Variants in HMCN1 observed in about 807,000 individuals in gnomAD.
HMCN1 encodes the protein hemicentin-1.
In HMCN1, 321 loss-of-function variants were observed where a neutral mutation model predicts 625.9. That is an observed-to-expected ratio of 0.51 (90% CI 0.47 to 0.56). HMCN1 has a LOEUF of 0.56. HMCN1 is among the 20% of genes least tolerant of loss of function. The pLI is 0.00. For synonymous variants in HMCN1, 2,425 were observed against 2,417.6 expected (o/e 1.00, Z -0.09); for missense variants, 6,588 against 6,887.3 (o/e 0.96, Z 1.54).
intron 2 of HMCN1, among the ~76,000 whole-genome samples, chr1:185,846,564 A>G (rs762673774): frequency 3.9e-5 from 6 of 152,218 alleles, no homozygotes; most frequent in Admixed American, 2.6e-4. Flanking sequence ...AAGATGAATC[A>G]CATTGGTTTA....
chr1:185,762,413 T>C (rs936280362), intron 1 of HMCN1, among the ~76,000 whole-genome samples: 15 of 152,306 alleles, frequency 9.8e-5, no homozygotes, highest in Admixed American at 9.8e-4. Flanking sequence ...GCTCAAAATA[T>C]GACTTGGACC....
chr1:185,755,008 A>G (rs1452477026), intron 1 of HMCN1, among the ~76,000 whole-genome samples: 1 of 152,170 alleles, frequency 6.6e-6, no homozygotes, highest in Non-Finnish European at 1.5e-5. Context: ...GGATAATTAT[A>G]GTACCTTCTC....
At chr1:185,876,404 T>C (rs576489529) in intron 4 of HMCN1, among the ~76,000 whole-genome samples, 8 of 152,196 alleles carry the variant, frequency 5.3e-5, no homozygotes, top group South Asian at 2.1e-4. Flanking sequence ...GTATAACAAT[T>C]TTTTTCCTTT....
In HMCN1 at chr1:186,144,172, G is replaced by C. The variant is rs1441659312; in HGVS notation, c.13925-1G>C. 1 of 1,597,482 alleles carries C rather than the reference G, an allele frequency of 6.3e-7. No individual in the cohort carries two copies. Among genetic ancestry groups the C allele is most frequent in the Admixed American group, 1.7e-5 (1 of 57,338 alleles). On this transcript the variant is annotated splice_acceptor_variant, in intron 89 of 106. Transcript: ENST00000271588. LOFTEE classifies it high-confidence loss of function. ...GCAACTGTCTTTTGGGGTGTTTGCAGTTCATGGAGCATGGAGCGCTTGGCA... is the reference window on the plus strand; with the variant it reads ...GCAACTGTCTTTTGGGGTGTTTGCACTTCATGGAGCATGGAGCGCTTGGCA...
At chr1:185,817,951 A>G (rs930309186) in intron 1 of HMCN1, among the ~76,000 whole-genome samples, 5 of 152,000 alleles carry the variant, frequency 3.3e-5, no homozygotes, top group African/African-American at 1.2e-4. Context: ...TTTTACCCAT[A>G]CTGTTTTCCT....
chr1:185,735,763 T>C (rs1653519587), intron 1 of HMCN1, among the ~76,000 whole-genome samples: 1 of 152,214 alleles, frequency 6.6e-6, no homozygotes, highest in Admixed American at 6.5e-5. Flanking sequence ...GCAGCTCCAC[T>C]GTAATATGAT....
chr1:185,982,525 C>T, intron 18 of HMCN1, 136 bp downstream of exon 18: 1 of 785,542 alleles, frequency 1.3e-6, no homozygotes, highest in Admixed American at 2.3e-5. Flanking sequence ...ACCGCAACCT[C>T]TGCCTCCTGG....
chr1:186,184,391 A>G (rs1036870666), intron 105 of HMCN1, among the ~76,000 whole-genome samples: 1 of 152,234 alleles, frequency 6.6e-6, no homozygotes, highest in Non-Finnish European at 1.5e-5. Flanking sequence ...TCAATAATAA[A>G]AGGGAAATTA....
At chr1:186,187,010 A>G (rs1352727049) in intron 105 of HMCN1, among the ~76,000 whole-genome samples, 1 of 150,784 alleles carries the variant, frequency 6.6e-6, no homozygotes. Flanking sequence ...ACACACACAC[A>G]CACACACACA....
chr1:186,042,419 C>G (rs1352284973), intron 40 of HMCN1, among the ~76,000 whole-genome samples: 4 of 152,144 alleles, frequency 2.6e-5, no homozygotes, highest in Non-Finnish European at 4.4e-5. Flanking sequence ...TTGGTATTGA[C>G]TGGGTTTTAG....
intron 30 of HMCN1, among the ~76,000 whole-genome samples, chr1:186,012,079 G>T (rs1262863375): frequency 2.6e-5 from 4 of 151,956 alleles, no homozygotes; most frequent in Non-Finnish European, 4.4e-5. Context: ...AACTATATGA[G>T]AGCAAACAAA....
intron 1 of HMCN1, among the ~76,000 whole-genome samples, chr1:185,781,916 T>A (rs1657147199): frequency 6.6e-6 from 1 of 152,174 alleles, no homozygotes; most frequent in South Asian, 2.1e-4. Flanking sequence ...TAACTTTCTG[T>A]CTTGTAGATG....
chr1:186,053,227 A>G (rs1349833877), intron 43 of HMCN1, among the ~76,000 whole-genome samples, 153 bp downstream of exon 43: 1 of 152,122 alleles, frequency 6.6e-6, no homozygotes, highest in African/African-American at 2.4e-5. Context: ...AATGTGCAAC[A>G]TGTGATACTT....
chr1:186,070,617 C>T lies in HMCN1; in HGVS notation c.7999C>T (p.Pro2667Ser). Residue 2667 changes from proline (P) to serine (S), a missense_variant, in exon 52 of 107, where the codon CCC (proline) becomes TCC (serine). Around this residue, in one of 3 missense-constraint regions of HMCN1, gnomAD observed 4,628 missense variants for 4,853.1 expected, o/e 0.95. Coordinates refer to ENST00000271588, the MANE Select transcript of HMCN1 (RefSeq NM_031935.3). Reference protein sequence around the residue: ...KHYEVKVYIPPIINKGDLWGP... With the variant: ...KHYEVKVYIPSIINKGDLWGP... ...TTAATATTTATTTTATGCAGTTCCA[C>T]CCATAATCAATAAAGGGGACCTTTG... The T allele has an allele frequency of 6.2e-7, 1 of 1,611,796 alleles. No individual in the cohort carries two copies. The highest frequency in any genetic ancestry group is 8.5e-7 in the Non-Finnish European group (1 of 1,177,940).
At position 186,065,228 on chromosome 1, in the gene HMCN1, A is replaced by ATT. The variant is rs768974572; in HGVS notation, c.7514-6_7514-5dup. On this transcript the variant is annotated splice_polypyrimidine_tract_variant and intron_variant, in intron 48 of 106. Coordinates refer to ENST00000271588, the MANE Select transcript of HMCN1 (RefSeq NM_031935.3). ...ATTATTAGCTGACTCTCAGAAATGG[A>ATT]TTTTTACAGGGAATCCAGTGCCAGA... 1.7e-5 allele frequency: 27 copies of ATT among 1,610,090 alleles called. No individual in the cohort carries two copies. The highest frequency in any genetic ancestry group is 2.3e-5 in the Non-Finnish European group (27 of 1,178,814).
At position 186,065,409 on chromosome 1, in the gene HMCN1, G is replaced by A. The variant is rs576937036; in HGVS notation, c.7685G>A (p.Ser2562Asn). The A allele has an allele frequency of 4.2e-5, 67 of 1,606,918 alleles. 1 individual carries two copies. The South Asian group carries it at 7.1e-4, about 17-fold the overall frequency. ...ASSPAGHKSR[S>N]FSLNVFVSPT... ...AGTCCAGCTGGCCACAAGAGCAGGA[G>A]CTTCAGTCTTAATGTATTTGGTAGG... The change falls in exon 49 of 107, where the codon AGC becomes AAC. Residue 2562 changes from serine (S) to asparagine (N), a missense_variant. By Grantham distance (46) the Ser-to-Asn change is conservative (BLOSUM62 1). Around this residue, in one of 3 missense-constraint regions of HMCN1, gnomAD observed 4,628 missense variants for 4,853.1 expected, o/e 0.95. Coordinates refer to ENST00000271588, the MANE Select transcript of HMCN1 (RefSeq NM_031935.3).
intron 1 of HMCN1, among the ~76,000 whole-genome samples, chr1:185,815,600 G>C (rs1466095818): frequency 6.7e-6 from 1 of 149,640 alleles, no homozygotes; most frequent in East Asian, 1.9e-4. Context: ...TTGATATTTA[G>C]TGTTAAAAGC....
chr1:185,939,468 G>A (rs983124737), intron 11 of HMCN1, among the ~76,000 whole-genome samples: 1 of 152,184 alleles, frequency 6.6e-6, no homozygotes, highest in Non-Finnish European at 1.5e-5. Flanking sequence ...TATACAAAAC[G>A]TGTACATGAT....
In HMCN1 at chr1:186,000,216, G is replaced by T. The variant is rs766167455; in HGVS notation, c.4046G>T (p.Arg1349Ile). Residue 1349 changes from arginine (R) to isoleucine (I), a missense_variant, in exon 26 of 107, where the codon AGA (arginine) becomes ATA (isoleucine). Physicochemically the swap from Arg to Ile is moderately conservative, Grantham distance 97. Around this residue, in one of 3 missense-constraint regions of HMCN1, gnomAD observed 4,628 missense variants for 4,853.1 expected, o/e 0.95. Coordinates refer to ENST00000271588, the MANE Select transcript of HMCN1 (RefSeq NM_031935.3). ...GTCAATGAAGCTGGAACCACAGAAA[G>T]AAAATATAACCTCAAAGTCCATGGT... Reference protein sequence around the residue: ...VAVNEAGTTERKYNLKVHVPP... With the variant: ...VAVNEAGTTEIKYNLKVHVPP... 1.2e-6 allele frequency: 2 copies of T among 1,612,752 alleles called. No homozygotes were observed. The highest frequency in any genetic ancestry group is 2.7e-5 in the African/African-American group (2 of 74,850).
Sources: allele counts gnomAD v4.1 joint callset (sites outside exome capture counted in the v4.1 genomes callset), GRCh38; gene constraint gnomAD v4.1.1; regional missense constraint gnomAD v4.1.1; transcripts MANE v1.5; gene names NCBI Gene and HGNC (gene_info 2026-07-23, HGNC 2026-07-21).